The following EPHA6 variants were observed in gnomAD, a reference collection of about 807,000 sequenced individuals.
EPHA6 encodes ephrin type-A receptor 6.
Under a neutral mutation model 112.0 loss-of-function variants are expected in EPHA6, and 50 were observed. That is an observed-to-expected ratio of 0.45 (90% CI 0.36 to 0.56). The LOEUF is 0.56. EPHA6 is among the 20% of genes least tolerant of loss of function. EPHA6 has a pLI of 0.00. For synonymous variants in EPHA6, 529 were observed against 490.7 expected (o/e 1.08, Z -1.03); for missense variants, 1,280 against 1,417.4 (o/e 0.90, Z 1.56).
chr3:97,221,934 G>A (rs1323373394), intron 3 of EPHA6, among the ~76,000 whole-genome samples: 2 of 151,680 alleles, frequency 1.3e-5, no homozygotes, highest in African/African-American at 4.8e-5. Flanking sequence ...GGAGGCTGAG[G>A]CAGGAGAATT....
chr3:97,227,837 C>A (rs2078405736), intron 4 of EPHA6, among the ~76,000 whole-genome samples: 1 of 152,142 alleles, frequency 6.6e-6, no homozygotes, highest in Admixed American at 6.5e-5. Flanking sequence ...GACGTAGAAA[C>A]CCTCACTGAG....
chr3:97,040,434 A>G (rs1467955598), intron 3 of EPHA6, among the ~76,000 whole-genome samples: 1 of 152,050 alleles, frequency 6.6e-6, no homozygotes, highest in Non-Finnish European at 1.5e-5. Flanking sequence ...ATCGGTTTTA[A>G]AAGTGAGAAA....
rs549172012 is a variant in EPHA6 at position 97,446,193 on chromosome 3, C to G, written c.1732-2375C>G. ...CAGGAGGAGAGAGGTCTGCTGTGTA[C>G]TGTGAAGAATTCTTGTGACTGCTTC... On this transcript the variant is annotated intron_variant, in intron 6 of 17. Coordinates refer to ENST00000389672, the MANE Select transcript of EPHA6 (RefSeq NM_001080448.3). Among the ~76,000 whole-genome samples, 3 of 152,278 alleles carry G rather than the reference C, an allele frequency of 2.0e-5. No homozygotes were observed. The South Asian group carries it at 6.2e-4, about 32-fold the overall frequency.
chr3:97,332,364 C>T (rs2082843594), intron 5 of EPHA6, among the ~76,000 whole-genome samples: 1 of 151,980 alleles, frequency 6.6e-6, no homozygotes, highest in Non-Finnish European at 1.5e-5. Flanking sequence ...GGGATGCCCT[C>T]TCTCACCACT....
chr3:97,431,731 C>A (rs532886232), intron 6 of EPHA6, among the ~76,000 whole-genome samples: 7 of 151,894 alleles, frequency 4.6e-5, no homozygotes, highest in Non-Finnish European at 1.0e-4. Flanking sequence ...ATGTTTAACA[C>A]GTTTATACTT....
At chr3:97,172,158 G>T (rs1299092648) in intron 3 of EPHA6, among the ~76,000 whole-genome samples, 1 of 152,010 alleles carries the variant, frequency 6.6e-6, no homozygotes, top group African/African-American at 2.4e-5. Context: ...TTTACAGTGA[G>T]GCATTGGTTT....
chr3:97,357,920 G>A (rs987036904), intron 5 of EPHA6, among the ~76,000 whole-genome samples: 8 of 152,138 alleles, frequency 5.3e-5, no homozygotes, highest in African/African-American at 1.9e-4. Context: ...TTCACATTGA[G>A]TAGGCTGAGG....
At chr3:96,982,486 A>G (rs1434566057) in intron 2 of EPHA6, among the ~76,000 whole-genome samples, 3 of 152,118 alleles carry the variant, frequency 2.0e-5, no homozygotes, top group African/African-American at 4.8e-5. Flanking sequence ...TATGTGGTCA[A>G]TTTTGGAATA....
At chr3:97,399,367 A>G (rs531107699) in intron 5 of EPHA6, among the ~76,000 whole-genome samples, 9 of 151,678 alleles carry the variant, frequency 5.9e-5, no homozygotes, top group Non-Finnish European at 1.3e-4. Flanking sequence ...GATTGCTTCC[A>G]TATCTTAGCT....
intron 3 of EPHA6, among the ~76,000 whole-genome samples, chr3:97,026,653 A>G (rs1236448056): frequency 6.6e-6 from 1 of 152,180 alleles, no homozygotes; most frequent in Non-Finnish European, 1.5e-5. Flanking sequence ...CACTTTTCAA[A>G]AGAAGACATA....
chr3:96,917,635 C>T (rs747613258), intron 2 of EPHA6, among the ~76,000 whole-genome samples: 27 of 151,740 alleles, frequency 1.8e-4, no homozygotes, highest in Non-Finnish European at 3.8e-4. Flanking sequence ...AAAACCACTG[C>T]GCTAAGGCTG....
chr3:97,100,234 G>GTTTATATATATCTATATAT (rs1369356733), intron 3 of EPHA6, among the ~76,000 whole-genome samples: 1 of 149,350 alleles, frequency 6.7e-6, no homozygotes, highest in South Asian at 2.1e-4. Context: ...AATAAATATA[G>GTTTATATATATCTATATAT]TTTATATATA....
intron 2 of EPHA6, among the ~76,000 whole-genome samples, chr3:96,947,895 C>G (rs1446171182): frequency 6.6e-6 from 1 of 152,170 alleles, no homozygotes; most frequent in African/African-American, 2.4e-5. Context: ...TTGGAAAAAA[C>G]TACTTTAAAG....
chr3:97,454,084 A>C (rs963762549), intron 7 of EPHA6, among the ~76,000 whole-genome samples: 1 of 151,780 alleles, frequency 6.6e-6, no homozygotes, highest in Admixed American at 6.6e-5. Flanking sequence ...CTGTATCTTC[A>C]TCATATCTAA....
At chr3:97,089,691 A>G (rs1443079500) in intron 3 of EPHA6, among the ~76,000 whole-genome samples, 1 of 152,160 alleles carries the variant, frequency 6.6e-6, no homozygotes, top group African/African-American at 2.4e-5. Context: ...TGTAAATGAT[A>G]ATAAAATCTT....
intron 3 of EPHA6, among the ~76,000 whole-genome samples, chr3:97,082,016 A>T (rs929692659): frequency 5.3e-5 from 8 of 151,726 alleles, no homozygotes; most frequent in Non-Finnish European, 1.2e-4. Context: ...ATATCATTTT[A>T]AAAATTGTCT....
chr3:97,015,146 A>G (rs2044222663), intron 3 of EPHA6, among the ~76,000 whole-genome samples: 1 of 152,180 alleles, frequency 6.6e-6, no homozygotes, highest in South Asian at 2.1e-4. Flanking sequence ...TTGTAAATTG[A>G]AATTAGGAGT....
chr3:97,612,391 C>A, intron 13 of EPHA6: 1 of 420,428 alleles, frequency 2.4e-6, no homozygotes, highest in South Asian at 1.8e-5. Context: ...TATCCTAAAG[C>A]AGAATATAAT....
chr3:97,275,945 T>C (rs1447722961), intron 5 of EPHA6, among the ~76,000 whole-genome samples: 1 of 151,990 alleles, frequency 6.6e-6, no homozygotes. Context: ...AGTTAAAATG[T>C]CTCGACCTAA....
Sources: gnomAD v4.1 joint callset for allele counts (sites outside exome capture counted in the v4.1 genomes callset) on GRCh38, gnomAD v4.1.1 for gene constraint, MANE v1.5 for transcripts, NCBI Gene and HGNC (gene_info 2026-07-23, HGNC 2026-07-21) for gene names.